SDK1: variants seen among roughly 807,000 people sequenced by gnomAD.
SDK1 encodes the protein protein sidekick-1.
A neutral mutation model predicts 245.5 loss-of-function variants in SDK1; 157 were observed. The observed-to-expected ratio is 0.64, with a 90% CI of 0.56 to 0.73. The LOEUF (loss-of-function observed/expected upper bound fraction) is 0.73, where lower values mean the gene tolerates loss of function less well. SDK1 is among the 30% of genes least tolerant of loss of function. The probability of loss-of-function intolerance (pLI) is 0.00; values close to 1 mark genes in which losing one functional copy is unlikely to be tolerated. For synonymous variants in SDK1, 1,647 were observed against 1,278.5 expected, an observed-to-expected ratio of 1.29 and a Z score of -6.15; for missense variants, 3,583 against 3,002.3, an observed-to-expected ratio of 1.19 and a Z score of -4.52.
chr7:4,082,892 A>G (rs980076245), intron 22 of SDK1, among the ~76,000 whole-genome samples: 1 of 152,144 alleles, frequency 6.6e-6, no homozygotes, highest in Non-Finnish European at 1.5e-5. Flanking sequence ...AAGTGCTGTG[A>G]TTATAGGCAT....
At chr7:4,065,694 G>GTTGTTTTTTTTTTTTTT (rs1779841876) in intron 19 of SDK1, among the ~76,000 whole-genome samples, 4 of 66,708 alleles carry the variant, frequency 6.0e-5, no homozygotes, top group African/African-American at 1.4e-4. Context: ...AGTGGTTGTT[G>GTTGTTTTTTTTTTTTTT]TTTTTTTTTT....
At chr7:3,638,569 G>T (rs1289824630) in intron 2 of SDK1, among the ~76,000 whole-genome samples, 1 of 146,820 alleles carries the variant, frequency 6.8e-6, no homozygotes, top group East Asian at 2.0e-4. Context: ...TCACTCATAG[G>T]TGGGAATTGA....
intron 1 of SDK1, among the ~76,000 whole-genome samples, chr7:3,443,601 G>A (rs1455790526): frequency 6.6e-6 from 1 of 152,160 alleles, no homozygotes; most frequent in Non-Finnish European, 1.5e-5. Context: ...AAGTTTAAAT[G>A]TTTCTCATAC....
Position 3,589,976 on chromosome 7 carries a change from C to G in SDK1, c.299-29104C>G, listed in dbSNP as rs1464350755. Among the ~76,000 whole-genome samples the G allele has an allele frequency of 2.0e-5, 3 of 152,226 alleles. No homozygotes were observed. The East Asian group carries it at 5.8e-4, about 29-fold the overall frequency. On this transcript the variant is annotated intron_variant, in intron 1 of 44. Coordinates refer to ENST00000404826, the MANE Select transcript of SDK1 (RefSeq NM_152744.4). ...GTCACAGCCTGCACTTGACCTGAGT[C>G]ATGTGCTTCCTGAGCTCTTTACAGG...
At chr7:4,027,520 G>C (rs1787450968) in intron 17 of SDK1, among the ~76,000 whole-genome samples, 1 of 152,128 alleles carries the variant, frequency 6.6e-6, no homozygotes, top group Admixed American at 6.5e-5. Context: ...CCTATGAATT[G>C]CTCTCCCAGC....
chr7:3,737,195 C>A (rs568475333), intron 4 of SDK1, among the ~76,000 whole-genome samples: 9 of 152,182 alleles, frequency 5.9e-5, no homozygotes, highest in Non-Finnish European at 1.2e-4. Context: ...CCTGACAGGA[C>A]CCCCTGCTGG....
At chr7:3,369,835 CG>C (rs1781179451) in intron 1 of SDK1, among the ~76,000 whole-genome samples, 1 of 152,054 alleles carries the variant, frequency 6.6e-6, no homozygotes, top group African/African-American at 2.4e-5. Flanking sequence ...AGTAAATATG[CG>C]CATTTATGGC....
chr7:3,804,895 G>A (rs922037708), intron 4 of SDK1, among the ~76,000 whole-genome samples: 2 of 152,198 alleles, frequency 1.3e-5, no homozygotes. Flanking sequence ...AAGGATTGGT[G>A]AGATATTGGT....
At chr7:4,065,002 A>G (rs1779777060) in intron 19 of SDK1, among the ~76,000 whole-genome samples, 1 of 152,194 alleles carries the variant, frequency 6.6e-6, no homozygotes, top group African/African-American at 2.4e-5. Context: ...TCCGTGGCAC[A>G]GTAGAGTGAC....
chr7:3,752,804 G>A (rs1326297883), intron 4 of SDK1, among the ~76,000 whole-genome samples: 1 of 152,076 alleles, frequency 6.6e-6, no homozygotes, highest in Admixed American at 6.5e-5. Context: ...ATGCTTATTT[G>A]TTATTTCTCT....
chr7:3,658,862 C>T (rs749394236), intron 4 of SDK1, among the ~76,000 whole-genome samples: 7 of 152,146 alleles, frequency 4.6e-5, no homozygotes, highest in Admixed American at 1.3e-4. Flanking sequence ...AGGTGATCCG[C>T]CCACTTCAGC....
chr7:4,006,243 C>T (rs1339255773), intron 14 of SDK1, among the ~76,000 whole-genome samples: 2 of 152,190 alleles, frequency 1.3e-5, no homozygotes, highest in African/African-American at 2.4e-5. Flanking sequence ...ATTCATTCCT[C>T]GTGATTCTCG....
intron 26 of SDK1, among the ~76,000 whole-genome samples, chr7:4,127,901 A>T (rs1323814183): frequency 6.6e-6 from 1 of 152,156 alleles, no homozygotes; most frequent in Non-Finnish European, 1.5e-5. Flanking sequence ...GGGGTCTTTT[A>T]CACAGCACGC....
chr7:3,468,504 A>T (rs1326705405), intron 1 of SDK1, among the ~76,000 whole-genome samples: 2 of 152,168 alleles, frequency 1.3e-5, no homozygotes, highest in East Asian at 3.9e-4. Flanking sequence ...CATAAAACCT[A>T]AAAGTATTAC....
intron 35 of SDK1, among the ~76,000 whole-genome samples, chr7:4,197,321 A>T (rs1783641931): frequency 7.2e-6 from 1 of 139,280 alleles, no homozygotes. Context: ...AAAAGAAAAG[A>T]AAGAAAGAAA....
intron 1 of SDK1, among the ~76,000 whole-genome samples, chr7:3,323,494 C>G (rs1185035740): frequency 1.3e-5 from 2 of 152,142 alleles, no homozygotes; most frequent in African/African-American, 2.4e-5. Context: ...ATTCACATTG[C>G]TGGTCATGTT....
intron 44 of SDK1, 121 bp from the exon 45 acceptor site, chr7:4,265,003 A>T: frequency 7.0e-7 from 1 of 1,433,146 alleles, no homozygotes; most frequent in Non-Finnish European, 9.3e-7. Context: ...GGGTGGGGAG[A>T]GGGCTGGAGA....
chr7:3,611,895 G>A (rs1362553847), intron 1 of SDK1, among the ~76,000 whole-genome samples: 2 of 152,082 alleles, frequency 1.3e-5, no homozygotes, highest in Non-Finnish European at 2.9e-5. Context: ...AAATTAGTAC[G>A]ACCATGGAAT....
intron 4 of SDK1, among the ~76,000 whole-genome samples, chr7:3,785,638 T>C (rs1780879380): frequency 1.3e-5 from 2 of 152,182 alleles, no homozygotes; most frequent in South Asian, 4.1e-4. Context: ...AACTGTCTAC[T>C]GGATGGAAAG....
Sources: gnomAD v4.1 joint callset for allele counts (sites outside exome capture counted in the v4.1 genomes callset) on GRCh38, gnomAD v4.1.1 for gene constraint, MANE v1.5 for transcripts, NCBI Gene and HGNC (gene_info 2026-07-23, HGNC 2026-07-21) for gene names.